ZSWIM5: variants seen among roughly 807,000 people sequenced by gnomAD.
The protein encoded by ZSWIM5 is zinc finger SWIM domain-containing protein 5.
In ZSWIM5, 55 loss-of-function variants were observed where a neutral mutation model predicts 119.6. The observed-to-expected ratio is 0.46, with a 90% confidence interval of 0.37 to 0.58. The LOEUF is 0.58. ZSWIM5 is among the 20% of genes least tolerant of loss of function. The pLI is 0.00. For missense variants in ZSWIM5, 1,193 were observed against 1,512.8 expected, an observed-to-expected ratio of 0.79 and a Z score of 3.51; for synonymous variants, 537 against 606.9, an observed-to-expected ratio of 0.88 and a Z score of 1.69.
At chr1:45,165,951 T>G (rs1199528937) in intron 1 of ZSWIM5, among the ~76,000 whole-genome samples, 3 of 152,080 alleles carry the variant, frequency 2.0e-5, no homozygotes, top group Non-Finnish European at 2.9e-5. Flanking sequence ...GAGGGAATCC[T>G]CCCTAACTCA....
chr1:45,191,357 A>C (rs1464424891), intron 1 of ZSWIM5, among the ~76,000 whole-genome samples: 3 of 152,174 alleles, frequency 2.0e-5, no homozygotes, highest in Non-Finnish European at 2.9e-5. Context: ...TGACAGTTGG[A>C]AGCTGTCTGA....
chr1:45,084,083 A>C (rs548092418), intron 2 of ZSWIM5, among the ~76,000 whole-genome samples: 3 of 152,056 alleles, frequency 2.0e-5, no homozygotes, highest in East Asian at 3.9e-4. Flanking sequence ...CTAATTTTTG[A>C]ATTTTTTGTG....
rs779909510 is a variant in ZSWIM5, at chr1:45,173,585, G to A, written c.595+32171C>T. ...GATTAAGATTTTGAACACAGGAGCC[G>A]GGCTCTAACCCCAGCTGCCCCACAT... On this transcript the variant is annotated intron_variant, in intron 1 of 13. Coordinates refer to ENST00000359600, the MANE Select transcript of ZSWIM5 (RefSeq NM_020883.2). 5.9e-5 allele frequency among the ~76,000 whole-genome samples: 9 copies of A among 151,874 alleles called. No individual in the cohort carries two copies. The East Asian group carries it at 7.7e-4, about 13-fold the overall frequency.
chr1:45,030,798 CTTTTTT>C (rs56045429), intron 11 of ZSWIM5, among the ~76,000 whole-genome samples: 10 of 133,106 alleles, frequency 7.5e-5, no homozygotes, highest in Non-Finnish European at 1.6e-4. Context: ...TTCATTCTTT[CTTTTTT>C]TTTTTTTTTT....
chr1:45,206,394 G>C lies in ZSWIM5; in HGVS notation c.-44C>G. ...TGACTGAGGCGGCGGCGGCTGCTCG[G>C]GCTGCGGCGGAGACCCTGGCCACGG... On this transcript the variant is annotated 5_prime_UTR_variant, in exon 1 of 14. Coordinates refer to ENST00000359600, the MANE Select transcript of ZSWIM5 (RefSeq NM_020883.2). 1 of 1,350,340 alleles carries C rather than the reference G, an allele frequency of 7.4e-7. No individual in the cohort carries two copies. The highest frequency in any genetic ancestry group is 9.5e-7 in the Non-Finnish European group (1 of 1,054,586). The allele number at this position is 1,350,340 out of a possible 1,614,324, so 83.6% of individuals were successfully genotyped here.
chr1:45,114,967 G>A (rs1001402722), intron 1 of ZSWIM5, among the ~76,000 whole-genome samples: 8 of 152,174 alleles, frequency 5.3e-5, no homozygotes, highest in Non-Finnish European at 1.2e-4. Context: ...TGGGGGTAAG[G>A]TCATAGATCA....
At chr1:45,164,583 G>A (rs867306831) in intron 1 of ZSWIM5, among the ~76,000 whole-genome samples, 1 of 151,968 alleles carries the variant, frequency 6.6e-6, no homozygotes, top group Non-Finnish European at 1.5e-5. Flanking sequence ...CCCATCTCAC[G>A]TGCAGAGACA....
At chr1:45,034,490 C>A in intron 10 of ZSWIM5, 21 bp from the exon 11 acceptor site, 1 of 1,583,954 alleles carries the variant, frequency 6.3e-7, no homozygotes, top group South Asian at 1.2e-5. Flanking sequence ...CAGGAAGAAT[C>A]ATCAGCCACC....
intron 2 of ZSWIM5, among the ~76,000 whole-genome samples, chr1:45,082,324 T>TA (rs1206680164): frequency 0.023 from 2,670 of 118,504 alleles, 82 homozygotes; most frequent in African/African-American, 0.08. Flanking sequence ...AATGATCAAT[T>TA]AAAAAAAAAA....
intron 2 of ZSWIM5, among the ~76,000 whole-genome samples, chr1:45,067,447 AAAAAAAAGAAAG>A (rs1208479349): frequency 1.3e-5 from 1 of 76,756 alleles, no homozygotes; most frequent in African/African-American, 4.5e-5. Context: ...CTCAAAAAAA[AAAAAAAAGAAAG>A]AAAGAAAGAA....
chr1:45,095,131 CT>C (rs11354372), intron 1 of ZSWIM5, among the ~76,000 whole-genome samples: 27,369 of 146,584 alleles, frequency 0.19, 2,602 homozygotes, highest in African/African-American at 0.27. Flanking sequence ...CCATAATTAA[CT>C]TTTTTTTTTT....
intron 1 of ZSWIM5, among the ~76,000 whole-genome samples, chr1:45,205,121 T>A (rs545179437): frequency 2.0e-5 from 3 of 151,128 alleles, no homozygotes; most frequent in Non-Finnish European, 4.4e-5. Flanking sequence ...CCAGATTGTA[T>A]GGCTTTTTTT....
At chr1:45,060,316 C>T in intron 2 of ZSWIM5, 69 bp from the exon 3 acceptor site, 1 of 1,539,140 alleles carries the variant, frequency 6.5e-7, no homozygotes, top group Non-Finnish European at 8.8e-7. Flanking sequence ...TGGAGGGGCA[C>T]TTTGTGAGCA....
At chr1:45,079,498 G>A (rs759887156) in intron 2 of ZSWIM5, among the ~76,000 whole-genome samples, 4 of 152,104 alleles carry the variant, frequency 2.6e-5, no homozygotes, top group South Asian at 4.1e-4. Context: ...CCCAGCTTGC[G>A]ACTCACCCTT....
chr1:45,050,958 A>T, intron 5 of ZSWIM5, 116 bp downstream of exon 5: 1 of 1,026,750 alleles, frequency 9.7e-7, no homozygotes. Context: ...GGCTTTTCTT[A>T]TTTAGAATGG....
chr1:45,196,034 G>GTTTTTT (rs34236930), intron 1 of ZSWIM5, among the ~76,000 whole-genome samples: 2 of 103,910 alleles, frequency 1.9e-5, no homozygotes, highest in Non-Finnish European at 3.9e-5. Flanking sequence ...CACCCAGCTA[G>GTTTTTT]TTTTTTTTTT....
chr1:45,161,350 G>A (rs1321101557), intron 1 of ZSWIM5, among the ~76,000 whole-genome samples: 1 of 152,100 alleles, frequency 6.6e-6, no homozygotes, highest in African/African-American at 2.4e-5. Context: ...AATAGTGGTT[G>A]TACTAATTTA....
chr1:45,092,604 G>A (rs1055738532), intron 1 of ZSWIM5, among the ~76,000 whole-genome samples: 1 of 123,582 alleles, frequency 8.1e-6, no homozygotes, highest in Non-Finnish European at 1.6e-5. Flanking sequence ...CACCTGGCCC[G>A]ATGGTTAGTT....
intron 1 of ZSWIM5, among the ~76,000 whole-genome samples, chr1:45,109,744 G>GAA (rs11441316): frequency 0.018 from 2,563 of 146,234 alleles, 53 homozygotes; most frequent in African/African-American, 0.054. Flanking sequence ...GACTTCGTAT[G>GAA]AAAAAAAAAA....
Sources: gnomAD v4.1 joint callset for allele counts (sites outside exome capture counted in the v4.1 genomes callset) on GRCh38, gnomAD v4.1.1 for gene constraint, MANE v1.5 for transcripts, NCBI Gene and HGNC (gene_info 2026-07-23, HGNC 2026-07-21) for gene names.